The following PCDH7 variants were observed in gnomAD, a reference collection of about 807,000 sequenced individuals.
The protein encoded by PCDH7 is protocadherin-7.
PCDH7 carries 17 observed loss-of-function variants against 58.9 expected under a neutral mutation model. The observed-to-expected ratio is 0.29, with a 90% CI of 0.20 to 0.43. The LOEUF (loss-of-function observed/expected upper bound fraction) is 0.43. Among genes scored for constraint, PCDH7 ranks in the 20% least tolerant of loss-of-function variants. The probability of loss-of-function intolerance (pLI) is 1.00; values close to 1 mark genes in which losing one functional copy is unlikely to be tolerated. For synonymous variants in PCDH7, 664 were observed against 616.4 expected, an observed-to-expected ratio of 1.08 and a Z score of -1.14; for missense variants, 1,274 against 1,441.0, an observed-to-expected ratio of 0.88 and a Z score of 1.88.
At chr4:31,039,237 A>G (rs570216062) in intron 3 of PCDH7, among the ~76,000 whole-genome samples, 40 of 152,348 alleles carry the variant, frequency 2.6e-4, no homozygotes, top group Admixed American at 5.9e-4. Flanking sequence ...GGATATTTGA[A>G]TGTCCATCTC....
intron 3 of PCDH7, among the ~76,000 whole-genome samples, chr4:31,103,594 C>T (rs1192733016): frequency 6.6e-6 from 1 of 152,094 alleles, no homozygotes; most frequent in Non-Finnish European, 1.5e-5. Flanking sequence ...TGCCTCAGCT[C>T]CCAAAGTGCT....
At chr4:30,805,719 A>G (rs1289857337) in intron 1 of PCDH7, among the ~76,000 whole-genome samples, 1 of 152,132 alleles carries the variant, frequency 6.6e-6, no homozygotes, top group African/African-American at 2.4e-5. Flanking sequence ...ATGCTGTTCC[A>G]ACCTATCAGT....
intron 3 of PCDH7, among the ~76,000 whole-genome samples, chr4:31,006,951 A>T (rs1038405806): frequency 6.6e-6 from 1 of 151,920 alleles, no homozygotes; most frequent in South Asian, 2.1e-4. Flanking sequence ...GCAGAAAATG[A>T]TCTATTACAT....
chr4:31,064,286 C>T (rs1474809926), intron 3 of PCDH7, among the ~76,000 whole-genome samples: 1 of 151,906 alleles, frequency 6.6e-6, no homozygotes, highest in African/African-American at 2.4e-5. Flanking sequence ...CACCTTTACT[C>T]CTATCATCCA....
intron 3 of PCDH7, among the ~76,000 whole-genome samples, chr4:30,977,010 T>C (rs1750131552): frequency 2.0e-5 from 3 of 152,208 alleles, no homozygotes; most frequent in Admixed American, 2.0e-4. Flanking sequence ...GTTGTTTTCA[T>C]TGAAAATATA....
chr4:30,977,391 C>T (rs1178753870), intron 3 of PCDH7, among the ~76,000 whole-genome samples: 1 of 152,142 alleles, frequency 6.6e-6, no homozygotes, highest in Non-Finnish European at 1.5e-5. Flanking sequence ...CAGAAAACAT[C>T]TTCTAAATGA....
intron 1 of PCDH7, among the ~76,000 whole-genome samples, chr4:30,871,517 A>G (rs1283926088): frequency 6.6e-6 from 1 of 152,124 alleles, no homozygotes; most frequent in East Asian, 1.9e-4. Context: ...AGGGAAAAGT[A>G]GCCTCTGACA....
chr4:31,085,853 C>CTTT lies in PCDH7; in HGVS notation c.*8-56607_*8-56605dup, dbSNP rs10650645. Among the ~76,000 whole-genome samples, 1,116 of 138,918 alleles carry CTTT rather than the reference C, an allele frequency of 8.0e-3. 19 individuals are homozygous for CTTT. Among genetic ancestry groups the CTTT allele is most frequent in the South Asian group, 0.025 (109 of 4,290 alleles). 91.1% of individuals were successfully genotyped at this position (138,918 alleles called of 152,430 possible). ...CAGACTCTTTTCTCTCTCTCTCTCTCTTTTTTTTTTTTTTTCATCTCTTCC... is the reference window on the plus strand; with the variant it reads ...CAGACTCTTTTCTCTCTCTCTCTCTCTTTTTTTTTTTTTTTTTTCATCTCTTCC... On this transcript the variant is annotated intron_variant, in intron 3 of 3. Transcript: ENST00000509759.
intron 3 of PCDH7, among the ~76,000 whole-genome samples, chr4:31,097,324 C>T: frequency 6.6e-6 from 1 of 151,254 alleles, no homozygotes; most frequent in African/African-American, 2.4e-5. Context: ...AGGCGTGGCA[C>T]ACACCTGTAA....
intron 3 of PCDH7, among the ~76,000 whole-genome samples, chr4:31,015,290 A>C (rs546115740): frequency 2.0e-5 from 3 of 152,318 alleles, no homozygotes; most frequent in Non-Finnish European, 2.9e-5. Context: ...TCCAATCCAC[A>C]TCGCACTTTA....
chr4:30,805,363 C>T (rs1726053576), intron 1 of PCDH7, among the ~76,000 whole-genome samples: 1 of 152,056 alleles, frequency 6.6e-6, no homozygotes, highest in Admixed American at 6.6e-5. Context: ...CTGACTAAGG[C>T]AAGTTTCTTA....
At chr4:30,730,493 G>T (rs1384174600) in intron 1 of PCDH7, among the ~76,000 whole-genome samples, 1 of 152,108 alleles carries the variant, frequency 6.6e-6, no homozygotes, top group Non-Finnish European at 1.5e-5. Flanking sequence ...TTATTTTCAG[G>T]AATGTAGTGA....
chr4:30,760,518 T>C (rs1367480558), intron 1 of PCDH7, among the ~76,000 whole-genome samples: 1 of 152,106 alleles, frequency 6.6e-6, no homozygotes, highest in Admixed American at 6.6e-5. Context: ...AAAATCAATG[T>C]GCAGAAATCA....
intron 2 of PCDH7, among the ~76,000 whole-genome samples, chr4:30,926,893 C>A (rs934744550): frequency 2.0e-5 from 3 of 152,168 alleles, no homozygotes; most frequent in African/African-American, 7.2e-5. Flanking sequence ...GGAAAATTAG[C>A]TGAAAATAAT....
chr4:30,790,025 G>A (rs998495478), intron 1 of PCDH7, among the ~76,000 whole-genome samples: 3 of 152,128 alleles, frequency 2.0e-5, no homozygotes, highest in African/African-American at 7.2e-5. Context: ...CATTAGATTT[G>A]GACTCGCATG....
Position 31,135,890 on chromosome 4 carries a change from G to A in PCDH7, c.*8-6583G>A, listed in dbSNP as rs965881647. On this transcript the variant is annotated intron_variant, in intron 3 of 3. Coordinates refer to the PCDH7 transcript ENST00000509759. The stretch of plus-strand genomic sequence containing the variant: ...ATTTTGAAGACTGAATTTGGATTAG[G>A]GATTGTGCACCTGAAGCAAGTAATA... 4.6e-5 allele frequency among the ~76,000 whole-genome samples: 7 copies of A among 152,110 alleles called. No individual in the cohort carries two copies. The East Asian group carries it at 9.6e-4, about 21-fold the overall frequency.
chr4:30,864,788 G>A (rs1734669001), intron 1 of PCDH7, among the ~76,000 whole-genome samples: 1 of 152,094 alleles, frequency 6.6e-6, no homozygotes, highest in African/African-American at 2.4e-5. Context: ...CAGTGCAAAA[G>A]TTCTCACAGG....
chr4:31,133,629 A>G (rs1443567535), intron 3 of PCDH7, among the ~76,000 whole-genome samples: 1 of 152,088 alleles, frequency 6.6e-6, no homozygotes, highest in East Asian at 1.9e-4. Context: ...CTAACTCCGC[A>G]TGGGTAAAGA....
intron 1 of PCDH7, among the ~76,000 whole-genome samples, chr4:30,872,619 C>T (rs926226731): frequency 1.3e-5 from 2 of 152,040 alleles, no homozygotes; most frequent in Middle Eastern, 3.4e-3. Flanking sequence ...ATGGCTTAAC[C>T]TCTGTAAGTT....
Sources: allele counts gnomAD v4.1 joint callset (sites outside exome capture counted in the v4.1 genomes callset), GRCh38; gene constraint gnomAD v4.1.1; transcripts MANE v1.5; gene names NCBI Gene and HGNC (gene_info 2026-07-23, HGNC 2026-07-21).